Variants in NTM observed in about 807,000 individuals in gnomAD.
The protein encoded by NTM is neurotrimin.
A neutral mutation model predicts 42.1 loss-of-function variants in NTM; 13 were observed. That is an observed-to-expected ratio of 0.31 (90% confidence interval 0.20 to 0.49). The LOEUF (loss-of-function observed/expected upper bound fraction) is 0.49, where lower values mean the gene tolerates loss of function less well. Ranked by LOEUF, NTM falls within the 20% of genes least tolerant of loss-of-function variation. The pLI is 0.99. For missense variants in NTM, 373 were observed against 452.8 expected (o/e 0.82, Z 1.60); for synonymous variants, 187 against 179.2 (o/e 1.04, Z -0.35).
intron 4 of NTM, among the ~76,000 whole-genome samples, chr11:132,289,890 G>A (rs1439361023): frequency 6.6e-6 from 1 of 152,148 alleles, no homozygotes; most frequent in Non-Finnish European, 1.5e-5. Context: ...CACATCCTCA[G>A]ACCAAAAAGA....
chr11:132,293,809 C>T (rs2094529999), intron 4 of NTM, among the ~76,000 whole-genome samples: 1 of 152,006 alleles, frequency 6.6e-6, no homozygotes, highest in Non-Finnish European at 1.5e-5. Flanking sequence ...GGAGTGAAGC[C>T]ACACTCACTG....
At position 132,069,105 on chromosome 11, in the gene NTM, C is replaced by T. The variant is rs142129093; in HGVS notation, c.168-77177C>T. On this transcript the variant is annotated intron_variant, in intron 2 of 8. Transcript: ENST00000683400. ...CAGCCAAGTTAACACAACAAACTGA[C>T]GATCACAGGTTAGTTTACACGTCAC... 3.8e-3 allele frequency among the ~76,000 whole-genome samples: 582 copies of T among 151,510 alleles called. 5 individuals carry two copies. Among genetic ancestry groups the T allele is most frequent in the African/African-American group, 0.013 (544 of 41,358 alleles).
intron 1 of NTM, among the ~76,000 whole-genome samples, chr11:131,672,337 A>G (rs913090317): frequency 6.6e-6 from 1 of 152,184 alleles, no homozygotes; most frequent in African/African-American, 2.4e-5. Flanking sequence ...AGAGGCGGCG[A>G]CTTGAGCAAA....
chr11:131,975,710 CT>C, intron 2 of NTM, among the ~76,000 whole-genome samples: 1 of 152,222 alleles, frequency 6.6e-6, no homozygotes, highest in East Asian at 1.9e-4. Flanking sequence ...CCACGGTTTC[CT>C]TCCTGTGATG....
At chr11:132,163,263 G>T (rs4937676) in intron 3 of NTM, among the ~76,000 whole-genome samples, 65,433 of 152,014 alleles carry the variant, frequency 0.43, 14,445 homozygotes, top group East Asian at 0.66. Flanking sequence ...TCTGCTCCAG[G>T]CTGGGGTCCT....
intron 2 of NTM, among the ~76,000 whole-genome samples, chr11:131,937,677 T>G (rs1273534800): frequency 6.6e-6 from 1 of 152,238 alleles, no homozygotes; most frequent in African/African-American, 2.4e-5. Flanking sequence ...TATTCTACAC[T>G]TAATGCCTCG....
intron 1 of NTM, among the ~76,000 whole-genome samples, chr11:131,766,730 A>G (rs1210844312): frequency 6.6e-6 from 1 of 152,212 alleles, no homozygotes; most frequent in African/African-American, 2.4e-5. Flanking sequence ...TTTTAAAAAT[A>G]TAAATGACAT....
At chr11:131,929,702 A>G (rs1441166388) in intron 2 of NTM, among the ~76,000 whole-genome samples, 1 of 152,036 alleles carries the variant, frequency 6.6e-6, no homozygotes, top group Non-Finnish European at 1.5e-5. Context: ...ACACTGATTC[A>G]CAAAGTAAGA....
At chr11:132,206,395 A>T (rs1441371956) in intron 3 of NTM, among the ~76,000 whole-genome samples, 1 of 152,098 alleles carries the variant, frequency 6.6e-6, no homozygotes, top group Non-Finnish European at 1.5e-5. Flanking sequence ...TTCTGTGTTG[A>T]CACTGCATAT....
chr11:131,825,615 G>T (rs1750096962), intron 1 of NTM, among the ~76,000 whole-genome samples: 1 of 152,168 alleles, frequency 6.6e-6, no homozygotes, highest in Non-Finnish European at 1.5e-5. Context: ...ACCTGTTGAA[G>T]ACAGTTGCAG....
At chr11:132,316,266 C>G (rs1398904984) in intron 7 of NTM, among the ~76,000 whole-genome samples, 1 of 152,152 alleles carries the variant, frequency 6.6e-6, no homozygotes, top group African/African-American at 2.4e-5. Flanking sequence ...ACAAACAGTT[C>G]TCGTAAGAGT....
At chr11:132,139,211 C>T (rs2068595100) in intron 2 of NTM, among the ~76,000 whole-genome samples, 1 of 152,170 alleles carries the variant, frequency 6.6e-6, no homozygotes, top group South Asian at 2.1e-4. Context: ...GGGAAAAAGG[C>T]TCCACTGTCT....
At chr11:131,544,830 C>T (rs935107256) in intron 1 of NTM, among the ~76,000 whole-genome samples, 5 of 152,106 alleles carry the variant, frequency 3.3e-5, no homozygotes, top group African/African-American at 9.7e-5. Flanking sequence ...GCCCTCCAGG[C>T]GAATCTCTGG....
chr11:131,609,144 G>A (rs2061261980), intron 1 of NTM, among the ~76,000 whole-genome samples: 1 of 152,308 alleles, frequency 6.6e-6, no homozygotes, highest in South Asian at 2.1e-4. Flanking sequence ...CTGGGCGAAG[G>A]CGTGGGCCCT....
intron 7 of NTM, chr11:132,317,736 C>T (rs2095468631): frequency 1.8e-6 from 2 of 1,138,574 alleles, no homozygotes; most frequent in Non-Finnish European, 2.4e-6. Context: ...TTCCCTCTAT[C>T]CCAGAGGCCC....
intron 1 of NTM, among the ~76,000 whole-genome samples, chr11:131,612,209 C>T (rs1392400438): frequency 6.6e-6 from 1 of 152,222 alleles, no homozygotes; most frequent in Non-Finnish European, 1.5e-5. Flanking sequence ...AGCAGTCAAA[C>T]CCCTGCCTGC....
At chr11:132,132,817 A>G (rs2067070921) in intron 2 of NTM, among the ~76,000 whole-genome samples, 1 of 152,222 alleles carries the variant, frequency 6.6e-6, no homozygotes, top group African/African-American at 2.4e-5. Flanking sequence ...TCAAGCTACT[A>G]GGCATGGTTG....
chr11:131,943,069 G>C (rs895127786), intron 2 of NTM, among the ~76,000 whole-genome samples: 1 of 152,172 alleles, frequency 6.6e-6, no homozygotes, highest in South Asian at 2.1e-4. Flanking sequence ...TGTTGGAGTC[G>C]TCAAGTGGAA....
chr11:132,143,790 T>G (rs747952313), intron 2 of NTM, among the ~76,000 whole-genome samples: 1 of 152,128 alleles, frequency 6.6e-6, no homozygotes, highest in Non-Finnish European at 1.5e-5. Context: ...TTCAAACTTA[T>G]GTCGTTCCAA....
Sources: allele counts gnomAD v4.1 joint callset (sites outside exome capture counted in the v4.1 genomes callset), GRCh38; gene constraint gnomAD v4.1.1; transcripts MANE v1.5; gene names NCBI Gene and HGNC (gene_info 2026-07-23, HGNC 2026-07-21).